Variants in PXK observed in about 807,000 individuals in gnomAD.
PXK encodes the protein PX domain containing serine/threonine kinase like.
PXK carries 35 observed loss-of-function variants against 84.7 expected under a neutral mutation model. That is an observed-to-expected ratio of 0.41 (90% CI 0.32 to 0.55). The LOEUF is 0.55. Ranked by LOEUF, PXK falls within the 20% of genes least tolerant of loss-of-function variation. PXK has a pLI of 0.21. For missense variants in PXK, 634 were observed against 699.7 expected, an observed-to-expected ratio of 0.91 and a Z score of 1.06; for synonymous variants, 253 against 260.8, an observed-to-expected ratio of 0.97 and a Z score of 0.29.
chr3:58,397,619 G>T lies in PXK; in HGVS notation c.999G>T (p.Val333=). ...TTCTTCCACAGACATTGGAAAGTGT[G>T]GATGTCCACTGCTTTGGCCACTTAC... The part of the protein sequence containing the change: ...QFRKINTLES[V]DVHCFGHLLY... The change falls in exon 11 of 18, where the codon GTG becomes GTT. Residue 333 remains valine (V), a synonymous_variant. Coordinates refer to ENST00000356151, the MANE Select transcript of PXK (RefSeq NM_017771.5). This position sits in a 1 kb window ranked among gnomAD's most constrained non-coding sequence, Gnocchi z 4.7. The T allele has an allele frequency of 6.2e-7, 1 of 1,613,738 alleles. No homozygotes were observed. The highest frequency in any genetic ancestry group is 8.5e-7 in the Non-Finnish European group (1 of 1,179,630).
intron 3 of PXK, 114 bp from the exon 4 acceptor site, chr3:58,382,400 T>A: frequency 1.3e-6 from 1 of 756,168 alleles, no homozygotes. Flanking sequence ...GAAATTAGGA[T>A]GCATCTAAAA....
chr3:58,403,975 A>G, intron 13 of PXK, 65 bp downstream of exon 13: 1 of 1,177,846 alleles, frequency 8.5e-7, no homozygotes, highest in Non-Finnish European at 1.2e-6. Context: ...AGTTAGCTGT[A>G]TTTTTAGCCA....
intron 3 of PXK, among the ~76,000 whole-genome samples, chr3:58,374,337 A>AT (rs1330927060): frequency 2.0e-5 from 3 of 151,660 alleles, no homozygotes; most frequent in Non-Finnish European, 4.4e-5. Flanking sequence ...TGCCTGGCTA[A>AT]TTTTTTTGTA....
chr3:58,420,412 T>C, intron 17 of PXK: 4 of 1,240,816 alleles, frequency 3.2e-6, no homozygotes, highest in South Asian at 1.3e-5. Flanking sequence ...AGTTTCGAAG[T>C]GAGAATAATC....
At chr3:58,418,985 G>A (rs1383570602) in intron 17 of PXK, among the ~76,000 whole-genome samples, 1 of 152,220 alleles carries the variant, frequency 6.6e-6, no homozygotes, top group Non-Finnish European at 1.5e-5. Context: ...GTATACACAG[G>A]AGCCTTCAGA....
intron 1 of PXK, among the ~76,000 whole-genome samples, chr3:58,342,634 C>CAAAAAAAAAAAAAAAAAAA (rs71091369): frequency 8.8e-5 from 10 of 113,444 alleles, no homozygotes; most frequent in East Asian, 3.1e-4. Context: ...GACTCTGTCT[C>CAAAAAAAAAAAAAAAAAAA]AAAAAAAAAA....
In PXK at chr3:58,412,802, C is replaced by T; in HGVS notation, c.1466-99C>T. ...TGTTTCACAAGGCTCACACACTAAG[C>T]CAAATGTAGATTCTCAGACAGCAGT... On this transcript the variant is annotated intron_variant, in intron 16 of 17. Transcript: ENST00000356151. This position sits in a 1 kb window ranked among gnomAD's most constrained non-coding sequence, Gnocchi z 6.2. 8.1e-7 allele frequency: 1 copy of T among 1,237,910 alleles called. No individual in the cohort carries two copies. Among genetic ancestry groups the T allele is most frequent in the Non-Finnish European group, 1.2e-6 (1 of 840,034 alleles). The allele number at this position is 1,237,910 out of a possible 1,614,324, so 76.7% of individuals were successfully genotyped here.
chr3:58,335,183 CTT>C (rs1553733273), intron 1 of PXK, among the ~76,000 whole-genome samples: 1 of 152,014 alleles, frequency 6.6e-6, no homozygotes, highest in Non-Finnish European at 1.5e-5. Flanking sequence ...CCCTGCAGAT[CTT>C]TTCTTTAAAA....
Position 58,399,258 on chromosome 3 carries a change from C to T in PXK, c.1103-41C>T, listed in dbSNP as rs748641306. ...TTTCATCAGCAAGTGGATTTGCCAGCGTGTTCTGTGGAACTAAAATGTGTA... is the reference window on the plus strand; with the variant it reads ...TTTCATCAGCAAGTGGATTTGCCAGTGTGTTCTGTGGAACTAAAATGTGTA... On this transcript the variant is annotated intron_variant, in intron 11 of 17. Coordinates refer to ENST00000356151, the MANE Select transcript of PXK (RefSeq NM_017771.5). The surrounding 1 kb of genome is among the most constrained non-coding windows in gnomAD (Gnocchi z 4.3). 5.1e-6 allele frequency: 8 copies of T among 1,566,962 alleles called. No individual in the cohort carries two copies. Among genetic ancestry groups the T allele is most frequent in the Middle Eastern group, 1.7e-4 (1 of 5,992 alleles).
intron 13 of PXK, 138 bp downstream of exon 13, chr3:58,404,048 G>A (rs1174079878): frequency 2.2e-6 from 1 of 462,644 alleles, no homozygotes; most frequent in Non-Finnish European, 3.7e-6. Context: ...ACAATTAGGG[G>A]CTAGTTTAAT....
chr3:58,374,720 A>C (rs929093332), intron 3 of PXK, among the ~76,000 whole-genome samples: 3 of 152,134 alleles, frequency 2.0e-5, no homozygotes, highest in African/African-American at 7.2e-5. Flanking sequence ...CCTCCCTTCT[A>C]ATTAGCCATT....
chr3:58,343,313 C>A (rs2097767511), intron 1 of PXK, among the ~76,000 whole-genome samples: 1 of 152,220 alleles, frequency 6.6e-6, no homozygotes, highest in Non-Finnish European at 1.5e-5. Flanking sequence ...TCACACCAGA[C>A]CTCTAGCATC....
At chr3:58,395,126 T>C (rs2057437630) in intron 8 of PXK, 24 bp downstream of exon 8, 2 of 1,541,580 alleles carry the variant, frequency 1.3e-6, no homozygotes, top group South Asian at 1.1e-5. Flanking sequence ...TTCATGGTCA[T>C]AAGGAATTCT....
At chr3:58,405,042 A>G (rs1553810142) in intron 13 of PXK, among the ~76,000 whole-genome samples, 1 of 152,232 alleles carries the variant, frequency 6.6e-6, no homozygotes, top group Non-Finnish European at 1.5e-5. Context: ...TTTAGGATTC[A>G]GGAGTTAGTA....
chr3:58,404,782 A>G (rs1298021325), intron 13 of PXK, among the ~76,000 whole-genome samples: 1 of 152,244 alleles, frequency 6.6e-6, no homozygotes, highest in Non-Finnish European at 1.5e-5. Flanking sequence ...TATTAGGATG[A>G]AAATAAATTT....
At chr3:58,367,571 C>G (rs760029431) in intron 2 of PXK, among the ~76,000 whole-genome samples, 8 of 152,134 alleles carry the variant, frequency 5.3e-5, no homozygotes, top group Non-Finnish European at 1.2e-4. Context: ...GACACAGGAA[C>G]TTTCAGAAAT....
At position 58,387,898 on chromosome 3, in the gene PXK, T is replaced by C. The variant is rs192619900; in HGVS notation, c.389-2684T>C. ...TGCTGAGGGAGTGGGGGCAGGCCAGTCTTTAGGGGCCATGGTAGGCAAATC... is the reference window on the plus strand; with the variant it reads ...TGCTGAGGGAGTGGGGGCAGGCCAGCCTTTAGGGGCCATGGTAGGCAAATC... On this transcript the variant is annotated intron_variant, in intron 4 of 17. Coordinates refer to ENST00000356151, the MANE Select transcript of PXK (RefSeq NM_017771.5). Among the ~76,000 whole-genome samples, 5 of 152,056 alleles carry C rather than the reference T, an allele frequency of 3.3e-5. No individual in the cohort carries two copies. In the East Asian group the frequency reaches 9.7e-4, roughly 30 times the overall value.
rs1377860130 is a variant in PXK at position 58,411,400 on chromosome 3, G to A, written c.1465+1241G>A. Among the ~76,000 whole-genome samples, 1 of 152,164 alleles carries A rather than the reference G, an allele frequency of 6.6e-6. No homozygotes were observed. Among genetic ancestry groups the A allele is most frequent in the Non-Finnish European group, 1.5e-5 (1 of 68,022 alleles). On this transcript the variant is annotated intron_variant, in intron 16 of 17. Transcript: ENST00000356151. The surrounding 1 kb of genome is among the most constrained non-coding windows in gnomAD (Gnocchi z 4.2). ...GCTGCAAAGGAGAGGAAGGAGGGGT[G>A]GTCCCAATGAGGACCAGCGCAGGCT...
chr3:58,351,395 T>TTGTGTGTGTGTGTGTGTGTGTGTG (rs57349140), intron 1 of PXK, among the ~76,000 whole-genome samples: 2 of 140,582 alleles, frequency 1.4e-5, no homozygotes, highest in East Asian at 4.5e-4. Context: ...AGCTAGCTAT[T>TTGTGTGTGTGTGTGTGTGTGTGTG]TGTGTGTGTG....
Sources: gnomAD v4.1 joint callset for allele counts (sites outside exome capture counted in the v4.1 genomes callset) on GRCh38, gnomAD v4.1.1 for gene constraint, Gnocchi (gnomAD v3.1) non-coding constraint, MANE v1.5 for transcripts, NCBI Gene and HGNC (gene_info 2026-07-23, HGNC 2026-07-21) for gene names.